RPS6KC1: variants seen among roughly 807,000 people sequenced by gnomAD.
RPS6KC1 encodes inactive ribosomal protein S6 kinase delta-1.
A neutral mutation model predicts 103.8 loss-of-function variants in RPS6KC1; 54 were observed. The ratio of observed to expected loss-of-function variants is 0.52; its 90% CI spans 0.42 to 0.65. The LOEUF (loss-of-function observed/expected upper bound fraction) is 0.65. Among genes scored for constraint, RPS6KC1 ranks in the 30% least tolerant of loss-of-function variants. The pLI is 0.00. For synonymous variants in RPS6KC1, 439 were observed against 438.7 expected (o/e 1.00, Z -0.01); for missense variants, 1,151 against 1,253.8 (o/e 0.92, Z 1.24).
chr1:213,609,426 G>A, the RPS6KC1 span, among the ~76,000 whole-genome samples: 2 of 152,052 alleles, frequency 1.3e-5, no homozygotes, highest in African/African-American at 2.4e-5. Context: ...GCATGTGTTG[G>A]CACTCAGTCC....
the RPS6KC1 span, among the ~76,000 whole-genome samples, chr1:213,371,178 T>C: frequency 0.02 from 3,026 of 152,192 alleles, 152 homozygotes; most frequent in East Asian, 0.19. Context: ...CCACTCTAGG[T>C]ACCTCCCGTA....
intron 6 of RPS6KC1, among the ~76,000 whole-genome samples, chr1:213,166,658 G>T (rs980957572): frequency 1.3e-5 from 2 of 152,120 alleles, no homozygotes; most frequent in Non-Finnish European, 1.5e-5. Context: ...AATTCCTCAT[G>T]AAGGAGAGAA....
chr1:213,803,720 CTCTG>C, the RPS6KC1 span, among the ~76,000 whole-genome samples: 1 of 152,122 alleles, frequency 6.6e-6, no homozygotes, highest in Non-Finnish European at 1.5e-5. Flanking sequence ...CTACAGAGTA[CTCTG>C]TCTGAGAAGT....
the RPS6KC1 span, among the ~76,000 whole-genome samples, chr1:213,447,347 G>A: frequency 9.2e-5 from 14 of 152,234 alleles, no homozygotes; most frequent in African/African-American, 3.4e-4. Flanking sequence ...GCCTCCCAAA[G>A]TGCTGAGATT....
chr1:213,858,539 C>T, the RPS6KC1 span, among the ~76,000 whole-genome samples: 1 of 152,158 alleles, frequency 6.6e-6, no homozygotes, highest in African/African-American at 2.4e-5. Flanking sequence ...AATATTGCTG[C>T]ACAGATACAA....
At chr1:213,597,937 C>T in the RPS6KC1 span, among the ~76,000 whole-genome samples, 1 of 152,160 alleles carries the variant, frequency 6.6e-6, no homozygotes, top group African/African-American at 2.4e-5. Context: ...GTGAGCGGCT[C>T]CTGGAGAAGT....
At chr1:213,165,407 T>G (rs970267697) in intron 6 of RPS6KC1, among the ~76,000 whole-genome samples, 97 of 151,014 alleles carry the variant, frequency 6.4e-4, no homozygotes, top group Non-Finnish European at 6.5e-4. Context: ...ATTTTGTGTG[T>G]TTTTTTTGTT....
chr1:213,604,881 G>A, the RPS6KC1 span, among the ~76,000 whole-genome samples: 3 of 152,206 alleles, frequency 2.0e-5, no homozygotes. Context: ...CAGTGGGTGA[G>A]GGTGGGGGCA....
chr1:213,663,980 C>T, the RPS6KC1 span, among the ~76,000 whole-genome samples: 55 of 152,278 alleles, frequency 3.6e-4, no homozygotes, highest in Middle Eastern at 6.8e-3. Context: ...AGACTTGTTC[C>T]ACTGAATCTC....
chr1:213,553,868 T>C, the RPS6KC1 span, among the ~76,000 whole-genome samples: 1 of 152,158 alleles, frequency 6.6e-6, no homozygotes, highest in Non-Finnish European at 1.5e-5. Context: ...ACCATTTTTT[T>C]TGTGGGGTTG....
At chr1:213,269,852 C>G (rs778423307) in intron 14 of RPS6KC1, among the ~76,000 whole-genome samples, 2 of 151,418 alleles carry the variant, frequency 1.3e-5, no homozygotes, top group Non-Finnish European at 2.9e-5. Context: ...GAGTTCAAGA[C>G]CAGCCTGGGA....
the RPS6KC1 span, among the ~76,000 whole-genome samples, chr1:213,491,490 G>A: frequency 6.6e-6 from 1 of 152,184 alleles, no homozygotes; most frequent in East Asian, 1.9e-4. Flanking sequence ...AGAGATTGAA[G>A]TGAGCTGAGA....
chr1:213,245,819 A>G (rs1423088574), intron 12 of RPS6KC1, among the ~76,000 whole-genome samples: 2 of 152,194 alleles, frequency 1.3e-5, no homozygotes, highest in Non-Finnish European at 2.9e-5. Context: ...GGGAAAAGCA[A>G]GACAGATAAA....
intron 6 of RPS6KC1, among the ~76,000 whole-genome samples, chr1:213,155,657 G>A (rs564280895): frequency 1.3e-5 from 2 of 152,116 alleles, no homozygotes; most frequent in Non-Finnish European, 2.9e-5. Flanking sequence ...TCAGCAATTC[G>A]GGACTGCTTT....
At chr1:213,443,550 G>T in the RPS6KC1 span, among the ~76,000 whole-genome samples, 1 of 152,252 alleles carries the variant, frequency 6.6e-6, no homozygotes, top group South Asian at 2.1e-4. Flanking sequence ...GCTGGGCTGG[G>T]TTCTTGGGCA....
the RPS6KC1 span, among the ~76,000 whole-genome samples, chr1:213,667,151 A>C: frequency 6.6e-6 from 1 of 152,202 alleles, no homozygotes. Flanking sequence ...GGCTTCCTGA[A>C]GGATCTTGTC....
intron 5 of RPS6KC1, among the ~76,000 whole-genome samples, chr1:213,121,523 C>A (rs2084382959): frequency 6.6e-6 from 1 of 152,288 alleles, no homozygotes; most frequent in African/African-American, 2.4e-5. Flanking sequence ...ATGTCTATTT[C>A]AACTTATGTC....
chr1:213,800,746 T>G, the RPS6KC1 span, among the ~76,000 whole-genome samples: 15 of 152,330 alleles, frequency 9.8e-5, no homozygotes, highest in Middle Eastern at 6.8e-3. Flanking sequence ...ATATTCTTCA[T>G]TTTTTCTTTT....
chr1:213,176,432 G>A lies in RPS6KC1; in HGVS notation c.984G>A (p.Trp328Ter). ...GATCACTAAGTTCAAGGCCCCTTTG[G>A]AACCTAAGGAGCCCTGCCGAGGAGC... Reference protein sequence around the residue: ...PPGSLSSRPLWNLRSPAEELK... With the variant: ...PPGSLSSRPL The change falls in exon 8 of 15, where the codon TGG (tryptophan) becomes TGA (stop). Residue 328 changes from tryptophan (W) to a stop codon, truncating the protein, a stop_gained. Transcript: ENST00000366960. LOFTEE classifies it high-confidence loss of function. 6.2e-7 allele frequency: 1 copy of A among 1,608,458 alleles called. No homozygotes were observed. The highest frequency in any genetic ancestry group is 8.5e-7 in the Non-Finnish European group (1 of 1,175,906).
Sources: allele counts gnomAD v4.1 joint callset (sites outside exome capture counted in the v4.1 genomes callset), GRCh38; gene constraint gnomAD v4.1.1; transcripts MANE v1.5; gene names NCBI Gene and HGNC (gene_info 2026-07-23, HGNC 2026-07-21).